LRIG2: variants seen among roughly 807,000 people sequenced by gnomAD.
The protein encoded by LRIG2 is leucine-rich repeats and immunoglobulin-like domains protein 2.
In LRIG2, 93 loss-of-function variants were observed where a neutral mutation model predicts 107.8. That is an observed-to-expected ratio of 0.86 (90% CI 0.73 to 1.03). LRIG2 has a LOEUF of 1.03. Among genes scored for constraint, LRIG2 ranks in the 50% least tolerant of loss-of-function variants. LRIG2 has a pLI of 0.00. For missense variants in LRIG2, 1,226 were observed against 1,296.0 expected, an observed-to-expected ratio of 0.95 and a Z score of 0.83; for synonymous variants, 471 against 470.6, an observed-to-expected ratio of 1.00 and a Z score of -0.01.
chr1:113,105,858 G>A (rs1654515883), intron 11 of LRIG2, among the ~76,000 whole-genome samples: 1 of 152,206 alleles, frequency 6.6e-6, no homozygotes, highest in East Asian at 1.9e-4. Flanking sequence ...AGTAATCTTT[G>A]CCAGTGCCCC....
intron 1 of LRIG2, among the ~76,000 whole-genome samples, chr1:113,085,048 A>C (rs544734413): frequency 6.6e-6 from 1 of 152,342 alleles, no homozygotes; most frequent in South Asian, 2.1e-4. Flanking sequence ...AGTTAATTGA[A>C]CTTTACTTTG....
At position 113,114,881 on chromosome 1, in the gene LRIG2, G is replaced by A; in HGVS notation, c.2530+5G>A. 3 of 1,594,980 alleles carry A rather than the reference G, an allele frequency of 1.9e-6. No homozygotes were observed. The highest frequency in any genetic ancestry group is 1.1e-5 in the South Asian group (1 of 89,516). On this transcript the variant is annotated splice_donor_5th_base_variant and intron_variant, in intron 15 of 17. Coordinates refer to ENST00000361127, the MANE Select transcript of LRIG2 (RefSeq NM_014813.3). The stretch of plus-strand genomic sequence containing the variant: ...ACTATAGTATCACAAACACAGGTAA[G>A]TAGTACCCACATGACACCTATGGCT...
At chr1:113,094,895 T>G in intron 6 of LRIG2, 140 bp downstream of exon 6, 1 of 715,210 alleles carries the variant, frequency 1.4e-6, no homozygotes, top group Non-Finnish European at 2.1e-6. Context: ...TAAGCGTACA[T>G]AAAACCTTTA....
At position 113,119,298 on chromosome 1, in the gene LRIG2, C is replaced by T. The variant is rs770931909; in HGVS notation, c.2746C>T (p.Arg916Ter). ...CAATGCCAACATCTACTCCAGGACC[C>T]GAGAATACTGTCCATACACCTATAT... Reference protein sequence around the residue: ...YDNANIYSRTREYCPYTYIAE... With the variant: ...YDNANIYSRT Residue 916 changes from arginine (R) to a stop codon, truncating the protein, a stop_gained, in exon 17 of 18, where the codon CGA (arginine) becomes TGA (stop). Transcript: ENST00000361127. LOFTEE classifies it high-confidence loss of function. 2.0e-5 allele frequency: 33 copies of T among 1,613,894 alleles called. No homozygotes were observed. Among genetic ancestry groups the T allele is most frequent in the East Asian group, 1.1e-4 (5 of 44,878 alleles).
chr1:113,084,638 C>T (rs1395111848), intron 1 of LRIG2, among the ~76,000 whole-genome samples: 3 of 141,548 alleles, frequency 2.1e-5, no homozygotes, highest in Non-Finnish European at 4.7e-5. Context: ...ACAAAATCAG[C>T]ACATGAGTAA....
intron 14 of LRIG2, among the ~76,000 whole-genome samples, chr1:113,113,092 A>T (rs2101058513): frequency 6.6e-6 from 1 of 151,654 alleles, no homozygotes; most frequent in African/African-American, 2.4e-5. Context: ...TTGCATTGAG[A>T]GTTCCACTGT....
chr1:113,115,586 G>A (rs967212180), intron 15 of LRIG2, among the ~76,000 whole-genome samples: 2 of 151,366 alleles, frequency 1.3e-5, no homozygotes, highest in East Asian at 1.9e-4. Flanking sequence ...GGAGTGCAGC[G>A]GCATGATCTT....
intron 17 of LRIG2, 46 bp downstream of exon 17, chr1:113,119,569 A>C (rs759112355): frequency 7.0e-6 from 11 of 1,567,980 alleles, no homozygotes; most frequent in East Asian, 4.5e-5. Context: ...CTTTCGTCTA[A>C]TTGACTCTTC....
At chr1:113,073,915 G>A (rs912151915) in intron 1 of LRIG2, among the ~76,000 whole-genome samples, 2 of 148,364 alleles carry the variant, frequency 1.3e-5, no homozygotes, top group Admixed American at 1.4e-4. Flanking sequence ...AGGAAATGGG[G>A]CGGGCATATT....
intron 5 of LRIG2, 48 bp from the exon 6 acceptor site, chr1:113,094,564 A>T: frequency 1.9e-6 from 3 of 1,590,206 alleles, no homozygotes; most frequent in Non-Finnish European, 2.6e-6. Context: ...TACTGTTAGA[A>T]CATTTTAGCA....
rs945615500 is a variant in LRIG2 at position 113,116,321 on chromosome 1, C to G, written c.2565C>G (p.Tyr855Ter). The change falls in exon 16 of 18, where the codon TAC becomes TAG. Residue 855 changes from tyrosine (Y) to a stop codon, truncating the protein, a stop_gained. Transcript: ENST00000361127. LOFTEE classifies it high-confidence loss of function. ...ELNLPADIPS[Y>*]LSSQGTLSEP... Reference sequence around the variant, plus strand: ...ATCTGCCTGCAGACATTCCCAGCTACTTGTCTTCCCAAGGAACGCTGTCTG... The same window carrying G: ...ATCTGCCTGCAGACATTCCCAGCTAGTTGTCTTCCCAAGGAACGCTGTCTG... 2 of 1,613,870 alleles carry G rather than the reference C, an allele frequency of 1.2e-6. No homozygotes were observed. The highest frequency in any genetic ancestry group is 1.1e-5 in the South Asian group (1 of 91,006).
chr1:113,125,016 A>G lies in LRIG2; in HGVS notation c.*915A>G, dbSNP rs1655426642. 1 of 152,160 alleles carries G rather than the reference A, an allele frequency of 6.6e-6. No individual in the cohort carries two copies. The highest frequency in any genetic ancestry group is 2.1e-4 in the South Asian group (1 of 4,820). The allele number at this position is 152,160 out of a possible 1,614,324, so 9.4% of individuals were successfully genotyped here. ...TGTCTGCAAAAAAATAAATTAAAAA[A>G]ATAGGTGGACATTGTGGCATGCTGC... is the stretch of plus-strand genomic sequence containing the variant. On this transcript the variant is annotated 3_prime_UTR_variant, in exon 18 of 18. Coordinates refer to ENST00000361127, the MANE Select transcript of LRIG2 (RefSeq NM_014813.3).
intron 1 of LRIG2, among the ~76,000 whole-genome samples, chr1:113,084,049 T>G (rs1220642401): frequency 1.4e-5 from 2 of 145,264 alleles, no homozygotes; most frequent in Non-Finnish European, 1.5e-5. Flanking sequence ...AATATTGGCC[T>G]TATCCCAGTG....
chr1:113,116,220 C>A, intron 15 of LRIG2, 67 bp from the exon 16 acceptor site: 1 of 1,441,030 alleles, frequency 6.9e-7, no homozygotes, highest in Non-Finnish European at 9.5e-7. Flanking sequence ...AACACATTTG[C>A]AAAATAGTCT....
At chr1:113,107,529 A>T in intron 11 of LRIG2, 65 bp from the exon 12 acceptor site, 5 of 1,464,736 alleles carry the variant, frequency 3.4e-6, no homozygotes, top group Non-Finnish European at 4.7e-6. Context: ...GTAAGGTTTT[A>T]ATACTGAAGA....
In LRIG2 at chr1:113,124,477, C is replaced by T. The variant is rs1655405295; in HGVS notation, c.*376C>T. On this transcript the variant is annotated 3_prime_UTR_variant, in exon 18 of 18. Transcript: ENST00000361127. ...TGGTCCTGAGAAAACATCACTACTT[C>T]GATGTTCTACTTTGCTTTCCAAGGA... The T allele has an allele frequency of 4.5e-6, 1 of 219,794 alleles. No homozygotes were observed. The highest frequency in any genetic ancestry group is 9.2e-6 in the Non-Finnish European group (1 of 108,842). The allele number at this position is 219,794 out of a possible 1,614,324, so 13.6% of individuals were successfully genotyped here. A position where few individuals can be genotyped will look rare whatever the true frequency, so the allele number is the denominator to read the frequency against.
intron 6 of LRIG2, 139 bp downstream of exon 6, chr1:113,094,894 A>C (rs867069927): frequency 2.7e-6 from 2 of 738,854 alleles, no homozygotes; most frequent in African/African-American, 3.6e-5. Context: ...GTAAGCGTAC[A>C]TAAAACCTTT....
At chr1:113,110,104 C>T in intron 12 of LRIG2, 138 bp from the exon 13 acceptor site, 1 of 617,776 alleles carries the variant, frequency 1.6e-6, no homozygotes. Context: ...GGGAATTGGA[C>T]TGTAGCTCTG....
Position 113,112,658 on chromosome 1 carries a change from T to A in LRIG2, c.1978T>A (p.Phe660Ile). The A allele has an allele frequency of 6.2e-7, 1 of 1,614,146 alleles. No homozygotes were observed. The highest frequency in any genetic ancestry group is 8.5e-7 in the Non-Finnish European group (1 of 1,180,002). The change falls in exon 14 of 18, where the codon TTC (phenylalanine) becomes ATC (isoleucine). Residue 660 changes from phenylalanine to isoleucine, a missense_variant. Phe to Ile is a conservative substitution (Grantham distance 21, BLOSUM62 0). Coordinates refer to ENST00000361127, the MANE Select transcript of LRIG2 (RefSeq NM_014813.3). ...RMHVMPEDDV[F>I]FIANVKIEDM... Reference sequence around the variant, plus strand: ...GCACGTCATGCCCGAGGATGACGTCTTCTTTATTGCCAATGTGAAAATAGA... The same window carrying A: ...GCACGTCATGCCCGAGGATGACGTCATCTTTATTGCCAATGTGAAAATAGA...
Sources: gnomAD v4.1 joint callset for allele counts (sites outside exome capture counted in the v4.1 genomes callset) on GRCh38, gnomAD v4.1.1 for gene constraint, MANE v1.5 for transcripts, NCBI Gene and HGNC (gene_info 2026-07-23, HGNC 2026-07-21) for gene names.